The following RAMP1 variants were observed in gnomAD, a reference collection of about 807,000 sequenced individuals.
RAMP1 encodes receptor activity modifying protein 1, also known as receptor activity-modifying protein 1.
RAMP1 carries 7 observed loss-of-function variants against 8.2 expected under a neutral mutation model. The observed-to-expected ratio is 0.85, with a 90% CI of 0.49 to 1.60. The LOEUF (loss-of-function observed/expected upper bound fraction) is 1.60, where lower values mean the gene tolerates loss of function less well. RAMP1 is among the 40% of genes most tolerant of loss of function. The pLI, the probability that RAMP1 is intolerant of heterozygous loss-of-function variation, is 0.00. For synonymous variants in RAMP1, 92 were observed against 84.7 expected, an observed-to-expected ratio of 1.09 and a Z score of -0.47; for missense variants, 192 against 202.4, an observed-to-expected ratio of 0.95 and a Z score of 0.31.
Position 237,878,365 on chromosome 2 carries a change from C to T in RAMP1, c.191+1003C>T, listed in dbSNP as rs1174472777. On this transcript the variant is annotated intron_variant, in intron 2 of 2. Coordinates refer to ENST00000254661, the MANE Select transcript of RAMP1 (RefSeq NM_005855.4). This position sits in a 1 kb window ranked among gnomAD's most constrained non-coding sequence, Gnocchi z 5.7. ...GCACCAAGGTCACACACGAAGAGTA[C>T]CTGTGGCTGTGGTGTCCCCTGAGGG... Among the ~76,000 whole-genome samples the T allele has an allele frequency of 6.6e-6, 1 of 152,232 alleles. No individual in the cohort carries two copies. Among genetic ancestry groups the T allele is most frequent in the Admixed American group, 6.5e-5 (1 of 15,290 alleles).
rs540788116 is a variant in RAMP1, at chr2:237,902,139, C to T, written c.192-9389C>T. 5.9e-5 allele frequency among the ~76,000 whole-genome samples: 9 copies of T among 152,080 alleles called. 1 individual carries two copies. Among genetic ancestry groups the T allele is most frequent in the South Asian group, 4.2e-4 (2 of 4,798 alleles). ...CAAGGCCGAGAGAGAAGGAGCACTTCGCGGGGGATGCCTCTCCTCCGGGGG... is the reference window on the plus strand; with the variant it reads ...CAAGGCCGAGAGAGAAGGAGCACTTTGCGGGGGATGCCTCTCCTCCGGGGG... On this transcript the variant is annotated intron_variant, in intron 2 of 2. Transcript: ENST00000254661.
chr2:237,902,748 A>T lies in RAMP1; in HGVS notation c.192-8780A>T, dbSNP rs1015951103. On this transcript the variant is annotated intron_variant, in intron 2 of 2. Coordinates refer to ENST00000254661, the MANE Select transcript of RAMP1 (RefSeq NM_005855.4). ...GGTGGGAAGACCCAGGCTGCCCCAG[A>T]CACCAGGCACGGTGGCTGCAGATGC... 2.6e-5 allele frequency among the ~76,000 whole-genome samples: 4 copies of T among 152,348 alleles called. No individual in the cohort carries two copies. In the East Asian group the frequency reaches 7.7e-4, roughly 29 times the overall value.
chr2:237,860,987 G>T (rs2062128179), intron 1 of RAMP1, among the ~76,000 whole-genome samples: 1 of 152,174 alleles, frequency 6.6e-6, no homozygotes, highest in African/African-American at 2.4e-5. Flanking sequence ...GCAGAATCTC[G>T]CAGTAATTTT....
intron 2 of RAMP1, among the ~76,000 whole-genome samples, chr2:237,899,670 TC>T (rs906808189): frequency 6.6e-6 from 1 of 152,260 alleles, no homozygotes; most frequent in African/African-American, 2.4e-5. Context: ...GGGCATCTGT[TC>T]CGTCCGTGTG....
At position 237,865,329 on chromosome 2, in the gene RAMP1, AG is replaced by A. The variant is rs1175251136; in HGVS notation, c.52+5606del. ...AGGGGAGGGCAGGGGAGAAGAGAGG[AG>A]GGGAGGGGAGGGCAGGGGAGTAGAG... On this transcript the variant is annotated intron_variant, in intron 1 of 2. Transcript: ENST00000254661. This position sits in a 1 kb window ranked among gnomAD's most constrained non-coding sequence, Gnocchi z 4.2. Among the ~76,000 whole-genome samples the A allele has an allele frequency of 1.3e-4, 2 of 15,404 alleles. No individual in the cohort carries two copies. Among genetic ancestry groups the A allele is most frequent in the Non-Finnish European group, 2.5e-4 (2 of 8,096 alleles). The allele number at this position is 15,404 out of a possible 152,430, so 10.1% of individuals were successfully genotyped here.
At chr2:237,876,215 C>G (rs1353451042) in intron 1 of RAMP1, among the ~76,000 whole-genome samples, 1 of 152,204 alleles carries the variant, frequency 6.6e-6, no homozygotes, top group Non-Finnish European at 1.5e-5. Context: ...CTCCAGAACC[C>G]CTCGCCCAAT....
Position 237,862,115 on chromosome 2 carries a change from G to A in RAMP1, c.52+2388G>A, listed in dbSNP as rs753718139. On this transcript the variant is annotated intron_variant, in intron 1 of 2. Transcript: ENST00000254661. This position sits in a 1 kb window ranked among gnomAD's most constrained non-coding sequence, Gnocchi z 4.0. Reference sequence around the variant, plus strand: ...AACGCATGCCTTCCTTGGCTGTCACGTGGGAGCCAGGGGTTTTTTTAATGG... The same window carrying A: ...AACGCATGCCTTCCTTGGCTGTCACATGGGAGCCAGGGGTTTTTTTAATGG... Among the ~76,000 whole-genome samples the A allele has an allele frequency of 1.4e-4, 21 of 152,212 alleles. No homozygotes were observed. Among genetic ancestry groups the A allele is most frequent in the South Asian group, 6.2e-4 (3 of 4,818 alleles).
intron 1 of RAMP1, among the ~76,000 whole-genome samples, chr2:237,869,729 C>A (rs1232998067): frequency 6.6e-6 from 1 of 152,218 alleles, no homozygotes; most frequent in Non-Finnish European, 1.5e-5. Flanking sequence ...CATGGGTGTT[C>A]AGATATCTCT....
At chr2:237,860,603 C>T (rs2062123205) in intron 1 of RAMP1, among the ~76,000 whole-genome samples, 2 of 152,216 alleles carry the variant, frequency 1.3e-5, no homozygotes, top group Non-Finnish European at 2.9e-5. Flanking sequence ...ATTTAGCTAC[C>T]TTTTAACGGA....
At chr2:237,875,279 C>G (rs2062290505) in intron 1 of RAMP1, among the ~76,000 whole-genome samples, 1 of 152,126 alleles carries the variant, frequency 6.6e-6, no homozygotes, top group Non-Finnish European at 1.5e-5. Flanking sequence ...CCCAGCCAGC[C>G]CCAAGGTGCA....
intron 1 of RAMP1, among the ~76,000 whole-genome samples, chr2:237,867,333 G>A (rs188689008): frequency 8.6e-4 from 131 of 152,246 alleles, no homozygotes; most frequent in Non-Finnish European, 9.9e-4. Flanking sequence ...AGCAAGAGGA[G>A]GGGTTGGTCT....
At chr2:237,866,286 G>A (rs527803345) in intron 1 of RAMP1, among the ~76,000 whole-genome samples, 1 of 151,872 alleles carries the variant, frequency 6.6e-6, no homozygotes, top group Non-Finnish European at 1.5e-5. Context: ...GCTGGTCATC[G>A]CTGGGCTAAG....
At chr2:237,902,517 G>GC (rs2062612261) in intron 2 of RAMP1, among the ~76,000 whole-genome samples, 1 of 152,056 alleles carries the variant, frequency 6.6e-6, no homozygotes, top group Non-Finnish European at 1.5e-5. Flanking sequence ...TGCCCCCAGG[G>GC]CCCACCCCGC....
rs560504477 is a variant in RAMP1 at position 237,902,630 on chromosome 2, G to A, written c.192-8898G>A. ...GCCACTGAGACTGGAGAGGCCCAAC[G>A]CCCCGTCCCCGCTCCCTGTCTGCCC... On this transcript the variant is annotated intron_variant, in intron 2 of 2. Transcript: ENST00000254661. Among the ~76,000 whole-genome samples the A allele has an allele frequency of 2.5e-4, 38 of 152,004 alleles. 1 individual carries two copies. Among genetic ancestry groups the A allele is most frequent in the Admixed American group, 6.5e-4 (10 of 15,282 alleles).
Position 237,862,409 on chromosome 2 carries a change from A to C in RAMP1, c.52+2682A>C, listed in dbSNP as rs1424732523. Among the ~76,000 whole-genome samples, 1 of 152,202 alleles carries C rather than the reference A, an allele frequency of 6.6e-6. No homozygotes were observed. The highest frequency in any genetic ancestry group is 2.4e-5 in the African/African-American group (1 of 41,450). On this transcript the variant is annotated intron_variant, in intron 1 of 2. Transcript: ENST00000254661. The surrounding 1 kb of genome is among the most constrained non-coding windows in gnomAD (Gnocchi z 4.0). ...CAGGCGCATGCCTGTCAGCGTGCTT[A>C]TTACCAGTCCGAGGCCAGGGCTGTT...
chr2:237,879,247 G>A (rs574420954), intron 2 of RAMP1, among the ~76,000 whole-genome samples: 7 of 152,130 alleles, frequency 4.6e-5, no homozygotes, highest in African/African-American at 9.7e-5. Flanking sequence ...GTTAATTTGT[G>A]TAGATTGATT....
At chr2:237,903,769 G>A (rs560737645) in intron 2 of RAMP1, among the ~76,000 whole-genome samples, 26 of 152,182 alleles carry the variant, frequency 1.7e-4, no homozygotes, top group South Asian at 1.7e-3. Context: ...ATCTCCGCTC[G>A]CTGCAACCTC....
intron 2 of RAMP1, among the ~76,000 whole-genome samples, chr2:237,879,291 A>G (rs78030645): frequency 6.6e-6 from 1 of 152,098 alleles, no homozygotes; most frequent in African/African-American, 2.4e-5. Context: ...ACAGCAGGGT[A>G]ATGCACACAG....
chr2:237,884,249 C>T (rs530950121), intron 2 of RAMP1, among the ~76,000 whole-genome samples: 7 of 152,224 alleles, frequency 4.6e-5, no homozygotes, highest in South Asian at 2.1e-4. Flanking sequence ...CTGGCTGGGC[C>T]GTCATTTACC....
Sources: gnomAD v4.1 joint callset for allele counts (sites outside exome capture counted in the v4.1 genomes callset) on GRCh38, gnomAD v4.1.1 for gene constraint, Gnocchi (gnomAD v3.1) non-coding constraint, MANE v1.5 for transcripts, NCBI Gene and HGNC (gene_info 2026-07-23, HGNC 2026-07-21) for gene names.